The following RAD50 variants were observed in gnomAD, a reference collection of about 807,000 sequenced individuals.
The protein encoded by RAD50 is RAD50 double strand break repair protein.
A neutral mutation model predicts 168.8 loss-of-function variants in RAD50; 132 were observed. The observed-to-expected ratio is 0.78, with a 90% CI of 0.68 to 0.90. The LOEUF is 0.90. Among genes scored for constraint, RAD50 ranks in the 40% least tolerant of loss-of-function variants. The probability of loss-of-function intolerance (pLI) is 0.00; values close to 1 mark genes in which losing one functional copy is unlikely to be tolerated. For missense variants in RAD50, 1,347 were observed against 1,534.4 expected (o/e 0.88, Z 2.04); for synonymous variants, 525 against 497.4 (o/e 1.06, Z -0.74).
intron 16 of RAD50, 26 bp downstream of exon 16, chr5:132,605,025 G>A: frequency 4.1e-6 from 6 of 1,464,370 alleles, no homozygotes; most frequent in Non-Finnish European, 4.6e-6. Flanking sequence ...CATGTTTTTT[G>A]TAAAATTATT....
At chr5:132,608,218 G>C (rs928731069) in intron 16 of RAD50, among the ~76,000 whole-genome samples, 1 of 152,140 alleles carries the variant, frequency 6.6e-6, no homozygotes, top group Non-Finnish European at 1.5e-5. Context: ...CAGCAGTGAC[G>C]GGCACCTATA....
chr5:132,611,335 G>A (rs1396234280), intron 19 of RAD50, among the ~76,000 whole-genome samples: 1 of 149,360 alleles, frequency 6.7e-6, no homozygotes, highest in African/African-American at 2.5e-5. Context: ...AGATTGCAGT[G>A]AGCCGAGATC....
chr5:132,579,532 C>G, intron 4 of RAD50, 30 bp downstream of exon 4: 2 of 1,584,710 alleles, frequency 1.3e-6, no homozygotes, highest in Non-Finnish European at 1.7e-6. Flanking sequence ...ACTTTGTAGT[C>G]CATTAAGTTA....
chr5:132,573,736 T>C (rs1750346824), intron 2 of RAD50, among the ~76,000 whole-genome samples: 1 of 152,178 alleles, frequency 6.6e-6, no homozygotes, highest in South Asian at 2.1e-4. Flanking sequence ...TTAGATACAA[T>C]GGGGATACAG....
rs1561641061 is a variant in RAD50 at position 132,591,935 on chromosome 5, C to T, written c.1694C>T (p.Ser565Leu). Residue 565 changes from serine to leucine, a missense_variant, in exon 11 of 25, where the codon TCA (serine) becomes TTA (leucine). Ser to Leu is a moderately radical substitution (Grantham distance 145). Around this residue, in one of 3 missense-constraint regions of RAD50, gnomAD observed 703 missense variants for 767.7 expected, o/e 0.92. Transcript: ENST00000378823. ...TCTAGGCACAGTGATGAATTAACCTCACTGTTGGGATATTTTCCCAACAAA... is the reference window on the plus strand; with the variant it reads ...TCTAGGCACAGTGATGAATTAACCTTACTGTTGGGATATTTTCCCAACAAA... ...IKSRHSDELT[S>L]LLGYFPNKKQ... 1.9e-6 allele frequency: 3 copies of T among 1,609,378 alleles called. No homozygotes were observed. Among genetic ancestry groups the T allele is most frequent in the African/African-American group, 1.3e-5 (1 of 74,840 alleles).
At chr5:132,578,512 T>G (rs13168617) in intron 3 of RAD50, among the ~76,000 whole-genome samples, 1 of 148,412 alleles carries the variant, frequency 6.7e-6, no homozygotes, top group African/African-American at 2.6e-5. Flanking sequence ...CAGTATAATA[T>G]TTTTTTTCTT....
At chr5:132,609,041 C>T (rs1581004550) in intron 17 of RAD50, 76 bp from the exon 18 acceptor site, 11 of 1,565,684 alleles carry the variant, frequency 7.0e-6, no homozygotes, top group Non-Finnish European at 9.5e-6. Context: ...AACTTCCCAG[C>T]CAGTGTTTTA....
At chr5:132,604,328 C>G (rs2149847467) in intron 15 of RAD50, among the ~76,000 whole-genome samples, 1 of 151,196 alleles carries the variant, frequency 6.6e-6, no homozygotes, top group South Asian at 2.1e-4. Context: ...TGCAATGGTG[C>G]AATCTTGGCT....
intron 8 of RAD50, 149 bp from the exon 9 acceptor site, chr5:132,589,482 A>T: frequency 1.6e-6 from 1 of 618,992 alleles, no homozygotes; most frequent in Non-Finnish European, 2.8e-6. Context: ...AAATTGCCTA[A>T]TGATGCATTT....
At chr5:132,589,551 GTACA>G (rs1750659018) in intron 8 of RAD50, 76 bp from the exon 9 acceptor site, 1 of 1,126,918 alleles carries the variant, frequency 8.9e-7, no homozygotes, top group Non-Finnish European at 1.2e-6. Context: ...TTTCTTCAGT[GTACA>G]TATATTCCTT....
intron 2 of RAD50, among the ~76,000 whole-genome samples, chr5:132,573,001 T>C (rs1750333521): frequency 6.6e-6 from 1 of 152,246 alleles, no homozygotes; most frequent in South Asian, 2.1e-4. Context: ...GCTGAGTTAA[T>C]GGTAACTTAT....
rs146076649 is a variant in RAD50 at position 132,625,897 on chromosome 5, T to A, written c.3389+7603T>A. Among the ~76,000 whole-genome samples, 188 of 152,156 alleles carry A rather than the reference T, an allele frequency of 1.2e-3. 1 individual carries two copies. The highest frequency in any genetic ancestry group is 4.4e-3 in the African/African-American group (183 of 41,514). ...GCTGAATAGCACTCCATTGTATATA[T>A]GAACAACTTTTTTTTTTTTTTGAGA... is the stretch of plus-strand genomic sequence containing the variant. On this transcript the variant is annotated intron_variant, in intron 21 of 24. Transcript: ENST00000378823.
At chr5:132,577,450 TGGACATCTTGGA>T (rs1205784313) in intron 3 of RAD50, among the ~76,000 whole-genome samples, 1 of 152,252 alleles carries the variant, frequency 6.6e-6, no homozygotes, top group Non-Finnish European at 1.5e-5. Flanking sequence ...GATTAAAATG[TGGACATCTTGGA>T]GGACCATTGT....
intron 21 of RAD50, among the ~76,000 whole-genome samples, chr5:132,628,720 G>T (rs1751410682): frequency 6.6e-6 from 1 of 152,042 alleles, no homozygotes; most frequent in Non-Finnish European, 1.5e-5. Context: ...GTGGTGCCTA[G>T]CCTGTAATCC....
In RAD50 at chr5:132,604,944, A is replaced by C; in HGVS notation, c.2663A>C (p.Glu888Ala). ...STNLQRRQQL[E>A]EQTVELSTEV... ...AATTTGCAACGTCGTCAGCAACTGG[A>C]GGAGCAGACTGTGGAATTATCCACT... Residue 888 changes from glutamate to alanine, a missense_variant, in exon 16 of 25, where the codon GAG becomes GCG. By Grantham distance (107) the Glu-to-Ala change is moderately radical. Coordinates refer to ENST00000378823, the MANE Select transcript of RAD50 (RefSeq NM_005732.4). 1 of 1,614,014 alleles carries C rather than the reference A, an allele frequency of 6.2e-7. No homozygotes were observed. Among genetic ancestry groups the C allele is most frequent in the Non-Finnish European group, 8.5e-7 (1 of 1,179,866 alleles).
chr5:132,561,479 C>CA (rs61096033), intron 2 of RAD50, among the ~76,000 whole-genome samples: 24,551 of 152,120 alleles, frequency 0.16, 2,369 homozygotes, highest in Non-Finnish European at 0.21. Flanking sequence ...AGATGTGAGC[C>CA]ACTGCACCCA....
rs546143411 is a variant in RAD50, at chr5:132,623,946, A to G, written c.3389+5652A>G. 2.6e-5 allele frequency among the ~76,000 whole-genome samples: 4 copies of G among 152,374 alleles called. No individual in the cohort carries two copies. The South Asian group carries it at 8.3e-4, about 32-fold the overall frequency. On this transcript the variant is annotated intron_variant, in intron 21 of 24. Coordinates refer to ENST00000378823, the MANE Select transcript of RAD50 (RefSeq NM_005732.4). ...TTGCCTAGGCATATTTTTGGCATAT[A>G]CAAGTTTTAGGAAGTACGTAATCAT...
intron 14 of RAD50, 24 bp from the exon 15 acceptor site, chr5:132,603,895 GA>G (rs1279883122): frequency 6.4e-7 from 1 of 1,556,028 alleles, no homozygotes. Context: ...TTTATTAAAG[GA>G]AATCATTTTG....
At chr5:132,572,514 G>A (rs989281756) in intron 2 of RAD50, among the ~76,000 whole-genome samples, 5 of 151,840 alleles carry the variant, frequency 3.3e-5, no homozygotes, top group Non-Finnish European at 4.4e-5. Flanking sequence ...AAAATATACC[G>A]TGCCAGCTAA....
Sources: allele counts gnomAD v4.1 joint callset (sites outside exome capture counted in the v4.1 genomes callset), GRCh38; gene constraint gnomAD v4.1.1; regional missense constraint gnomAD v4.1.1; transcripts MANE v1.5; gene names NCBI Gene and HGNC (gene_info 2026-07-23, HGNC 2026-07-21).